The following CDH12 variants were observed in gnomAD, a reference collection of about 807,000 sequenced individuals.
CDH12 encodes cadherin-12.
A neutral mutation model predicts 74.1 loss-of-function variants in CDH12; 41 were observed. That is an observed-to-expected ratio of 0.55 (90% CI 0.43 to 0.72). The LOEUF (loss-of-function observed/expected upper bound fraction) is 0.72. Among genes scored for constraint, CDH12 ranks in the 30% least tolerant of loss-of-function variants. CDH12 has a pLI of 0.00. For synonymous variants in CDH12, 399 were observed against 355.0 expected (o/e 1.12, Z -1.39); for missense variants, 945 against 977.2 (o/e 0.97, Z 0.44).
intron 3 of CDH12, among the ~76,000 whole-genome samples, chr5:22,285,332 G>A (rs552341720): frequency 9.1e-4 from 126 of 138,692 alleles, no homozygotes; most frequent in South Asian, 9.0e-3. Context: ...TTTGTGAACC[G>A]TGCATATTTG....
chr5:21,772,603 A>C (rs1470599066), intron 11 of CDH12, among the ~76,000 whole-genome samples: 1 of 152,184 alleles, frequency 6.6e-6, no homozygotes, highest in African/African-American at 2.4e-5. Flanking sequence ...TAAGAAGTTT[A>C]TACTAAGAAG....
intron 1 of CDH12, among the ~76,000 whole-genome samples, chr5:22,748,904 C>A (rs1179720364): frequency 1.3e-5 from 2 of 152,132 alleles, no homozygotes; most frequent in Non-Finnish European, 2.9e-5. Context: ...GCCTTCATGC[C>A]AGGCTATTTT....
intron 3 of CDH12, among the ~76,000 whole-genome samples, chr5:22,251,809 T>A (rs1040083702): frequency 6.6e-6 from 1 of 152,128 alleles, no homozygotes; most frequent in African/African-American, 2.4e-5. Context: ...TGGGAAAGTA[T>A]TACTTACACG....
At chr5:22,643,727 A>G (rs1739274670) in intron 1 of CDH12, among the ~76,000 whole-genome samples, 1 of 134,080 alleles carries the variant, frequency 7.5e-6, no homozygotes, top group South Asian at 2.4e-4. Context: ...TTGGATTTTA[A>G]GGTATCTTTT....
chr5:21,994,463 A>G (rs2150138194), intron 5 of CDH12, among the ~76,000 whole-genome samples: 1 of 152,302 alleles, frequency 6.6e-6, no homozygotes, highest in Admixed American at 6.5e-5. Context: ...ATTCGGCCTA[A>G]GTGACCCCCA....
At chr5:22,752,697 T>A (rs4351108) in intron 1 of CDH12, among the ~76,000 whole-genome samples, 30,987 of 73,670 alleles carry the variant, frequency 0.42, 6,834 homozygotes, top group Middle Eastern at 0.47. Flanking sequence ...TCAGCCTCCC[T>A]AGTAGCTGGG....
At chr5:22,723,333 A>G (rs973491304) in intron 1 of CDH12, among the ~76,000 whole-genome samples, 1 of 152,168 alleles carries the variant, frequency 6.6e-6, no homozygotes, top group African/African-American at 2.4e-5. Context: ...TATGAAAAGT[A>G]CAAAGTATAA....
At chr5:22,179,269 T>C (rs1749507721) in intron 4 of CDH12, among the ~76,000 whole-genome samples, 1 of 152,152 alleles carries the variant, frequency 6.6e-6, no homozygotes, top group East Asian at 1.9e-4. Context: ...AAAGCAAAAT[T>C]AATTTGCTTG....
intron 1 of CDH12, among the ~76,000 whole-genome samples, chr5:22,840,459 C>A (rs1421841108): frequency 6.6e-6 from 1 of 151,616 alleles, no homozygotes. Context: ...TTATACCACA[C>A]TAAAATCACA....
At chr5:22,670,746 A>T (rs1010518691) in intron 1 of CDH12, among the ~76,000 whole-genome samples, 1 of 152,034 alleles carries the variant, frequency 6.6e-6, no homozygotes, top group Admixed American at 6.6e-5. Flanking sequence ...TAAACTCTAG[A>T]CTTTTTATTT....
At chr5:22,215,230 C>A (rs1228807802) in intron 3 of CDH12, among the ~76,000 whole-genome samples, 1 of 152,130 alleles carries the variant, frequency 6.6e-6, no homozygotes, top group Non-Finnish European at 1.5e-5. Flanking sequence ...CACTAAAAGT[C>A]AGGTTACTGT....
intron 6 of CDH12, among the ~76,000 whole-genome samples, chr5:21,871,140 G>A (rs1229524769): frequency 6.6e-6 from 1 of 152,140 alleles, no homozygotes; most frequent in African/African-American, 2.4e-5. Context: ...CTGAAGATGA[G>A]TCTGGAATAG....
intron 4 of CDH12, among the ~76,000 whole-genome samples, chr5:22,096,582 G>A (rs375090631): frequency 1.2e-4 from 18 of 152,030 alleles, no homozygotes; most frequent in Middle Eastern, 3.4e-3. Context: ...CACCTGGTCC[G>A]GCTTACAGTT....
intron 4 of CDH12, among the ~76,000 whole-genome samples, chr5:22,082,499 G>C (rs1318551742): frequency 6.6e-6 from 1 of 152,166 alleles, no homozygotes; most frequent in Non-Finnish European, 1.5e-5. Flanking sequence ...TCCCAGGTGG[G>C]ACAGAAGTAT....
chr5:22,584,487 A>G (rs1740272012), intron 1 of CDH12, among the ~76,000 whole-genome samples: 1 of 152,224 alleles, frequency 6.6e-6, no homozygotes, highest in Non-Finnish European at 1.5e-5. Flanking sequence ...GCCATTTAAA[A>G]AATATAACAC....
intron 4 of CDH12, among the ~76,000 whole-genome samples, chr5:22,093,649 G>C (rs1468530875): frequency 6.6e-6 from 1 of 152,136 alleles, no homozygotes; most frequent in Non-Finnish European, 1.5e-5. Flanking sequence ...CAACGGGTTT[G>C]GGGTTCCTTC....
At chr5:21,810,655 G>A (rs1747699387) in intron 9 of CDH12, among the ~76,000 whole-genome samples, 1 of 152,088 alleles carries the variant, frequency 6.6e-6, no homozygotes, top group Non-Finnish European at 1.5e-5. Context: ...AGTTACAGTT[G>A]ATGAGACTTT....
intron 1 of CDH12, among the ~76,000 whole-genome samples, chr5:22,848,824 T>G (rs1737420552): frequency 6.6e-6 from 1 of 152,202 alleles, no homozygotes; most frequent in Admixed American, 6.5e-5. Flanking sequence ...TTGTTATATT[T>G]TGTAGATAAT....
At chr5:22,398,731 G>A (rs1204662429) in intron 3 of CDH12, among the ~76,000 whole-genome samples, 1 of 152,098 alleles carries the variant, frequency 6.6e-6, no homozygotes, top group Non-Finnish European at 1.5e-5. Context: ...TCTATTATCT[G>A]CATGATTCAA....
Sources: gnomAD v4.1 joint callset for allele counts (sites outside exome capture counted in the v4.1 genomes callset) on GRCh38, gnomAD v4.1.1 for gene constraint, MANE v1.5 for transcripts, NCBI Gene and HGNC (gene_info 2026-07-23, HGNC 2026-07-21) for gene names.